Variants in LAMA3 observed in about 807,000 individuals in gnomAD.
The protein encoded by LAMA3 is laminin subunit alpha-3.
LAMA3 carries 281 observed loss-of-function variants against 402.0 expected under a neutral mutation model. The ratio of observed to expected loss-of-function variants is 0.70; its 90% CI spans 0.63 to 0.77. The LOEUF is 0.77. LAMA3 is among the 30% of genes least tolerant of loss of function. The probability of loss-of-function intolerance (pLI) is 0.00; values close to 1 mark genes in which losing one functional copy is unlikely to be tolerated. For missense variants in LAMA3, 3,840 were observed against 4,215.5 expected, an observed-to-expected ratio of 0.91 and a Z score of 2.47; for synonymous variants, 1,431 against 1,558.4, an observed-to-expected ratio of 0.92 and a Z score of 1.93.
At position 23,845,114 on chromosome 18, in the gene LAMA3, T is replaced by A; in HGVS notation, c.3709T>A (p.Phe1237Ile). The A allele has an allele frequency of 6.3e-7, 1 of 1,586,412 alleles. No individual in the cohort carries two copies. The highest frequency in any genetic ancestry group is 8.7e-7 in the Non-Finnish European group (1 of 1,154,776). The change falls in exon 30 of 75, where the codon TTT becomes ATT. Residue 1237 changes from phenylalanine (F) to isoleucine (I), a missense_variant. Coordinates refer to ENST00000313654, the MANE Select transcript of LAMA3 (RefSeq NM_198129.4). Reference protein sequence around the residue: ...EFITNCGKNSFYLDPQTASRF... With the variant: ...EFITNCGKNSIYLDPQTASRF... ...TATCACCAATTGTGGAAAAAACAGC[T>A]TTTACCTTGAGTGAGTATCACTTTG...
At chr18:23,925,770 G>T (rs2081985643) in intron 62 of LAMA3, among the ~76,000 whole-genome samples, 1 of 152,160 alleles carries the variant, frequency 6.6e-6, no homozygotes, top group Non-Finnish European at 1.5e-5. Flanking sequence ...AAGGTAACAA[G>T]AATCCCCCCA....
chr18:23,699,056 A>AGAG (rs2060742839), intron 1 of LAMA3, among the ~76,000 whole-genome samples: 1 of 140,896 alleles, frequency 7.1e-6, no homozygotes, highest in African/African-American at 2.9e-5. Flanking sequence ...GAGAGAGAGA[A>AGAG]AGAAAAGAAA....
At chr18:23,817,222 T>A (rs185279672) in intron 18 of LAMA3, among the ~76,000 whole-genome samples, 2 of 152,302 alleles carry the variant, frequency 1.3e-5, no homozygotes, top group African/African-American at 4.8e-5. Flanking sequence ...TATTGTTCCA[T>A]CTCTTAAGCC....
chr18:23,871,949 A>G (rs766859670), intron 38 of LAMA3, among the ~76,000 whole-genome samples: 1 of 152,214 alleles, frequency 6.6e-6, no homozygotes. Context: ...AAATAGCTAG[A>G]AGGAGGATAT....
At chr18:23,885,191 C>A (rs555405045) in intron 41 of LAMA3, among the ~76,000 whole-genome samples, 278 of 151,070 alleles carry the variant, frequency 1.8e-3, no homozygotes, top group African/African-American at 6.4e-3. Context: ...CTGCATACCC[C>A]CTATTTCGAC....
rs1200460638 is a variant in LAMA3 at position 23,932,269 on chromosome 18, A to G, written c.8686A>G (p.Ile2896Val). ...RLGGSNFEGC[I>V]SNVFVQRLSL... ...GGGCGGGAGCAATTTTGAGGGTTGT[A>G]TTAGCAATGTTTTTGTCCAGAGGTA... Residue 2896 changes from isoleucine (I) to valine (V), a missense_variant, in exon 66 of 75, where the codon ATT becomes GTT. Around this residue, in one of 3 missense-constraint regions of LAMA3, gnomAD observed 840 missense variants for 981.9 expected, o/e 0.86. Coordinates refer to ENST00000313654, the MANE Select transcript of LAMA3 (RefSeq NM_198129.4). 1.2e-6 allele frequency: 2 copies of G among 1,614,044 alleles called. No homozygotes were observed. Among genetic ancestry groups the G allele is most frequent in the Admixed American group, 1.7e-5 (1 of 60,014 alleles).
In LAMA3 at chr18:23,934,110, G is replaced by A. The variant is rs143114646; in HGVS notation, c.8862+175G>A. On this transcript the variant is annotated intron_variant, in intron 67 of 74. Coordinates refer to ENST00000313654, the MANE Select transcript of LAMA3 (RefSeq NM_198129.4). ...GTCAAAATGGTTTTCTTTTTAGCTT[G>A]TATTTCGCATCTTGATGAAAAGTTG... Among the ~76,000 whole-genome samples, 536 of 152,304 alleles carry A rather than the reference G, an allele frequency of 3.5e-3. 1 individual carries two copies. Among genetic ancestry groups the A allele is most frequent in the South Asian group, 0.018 (85 of 4,816 alleles).
At chr18:23,911,636 G>A (rs1482125622) in intron 55 of LAMA3, among the ~76,000 whole-genome samples, 1 of 151,258 alleles carries the variant, frequency 6.6e-6, no homozygotes. Context: ...CTCAAGAAGC[G>A]CTATTTTAGA....
Position 23,819,827 on chromosome 18 carries a change from T to C in LAMA3, c.2148-14T>C. 1 of 1,613,206 alleles carries C rather than the reference T, an allele frequency of 6.2e-7. No individual in the cohort carries two copies. The highest frequency in any genetic ancestry group is 8.5e-7 in the Non-Finnish European group (1 of 1,179,138). On this transcript the variant is annotated splice_polypyrimidine_tract_variant and intron_variant, in intron 18 of 74. Transcript: ENST00000313654. Reference sequence around the variant, plus strand: ...CCTAACCTCCTGTATGTGTTTACTTTTTAATTATGAAAGGCCTGAAAACAA... The same window carrying C: ...CCTAACCTCCTGTATGTGTTTACTTCTTAATTATGAAAGGCCTGAAAACAA...
chr18:23,918,615 C>T lies in LAMA3; in HGVS notation c.7923+1920C>T, dbSNP rs996419036. The stretch of plus-strand genomic sequence containing the variant: ...TCCAAAGTGACACTCTACAAGTGAT[C>T]GTCAGCGCCATCTGCTGGTTGATGG... On this transcript the variant is annotated intron_variant, in intron 60 of 74. Coordinates refer to ENST00000313654, the MANE Select transcript of LAMA3 (RefSeq NM_198129.4). The surrounding 1 kb of genome is among the most constrained non-coding windows in gnomAD (Gnocchi z 4.1). Among the ~76,000 whole-genome samples, 2 of 152,310 alleles carry T rather than the reference C, an allele frequency of 1.3e-5. No individual in the cohort carries two copies. Among genetic ancestry groups the T allele is most frequent in the Admixed American group, 6.5e-5 (1 of 15,300 alleles).
intron 1 of LAMA3, among the ~76,000 whole-genome samples, chr18:23,703,844 A>T (rs1448481650): frequency 1.3e-5 from 2 of 152,164 alleles, no homozygotes; most frequent in African/African-American, 4.8e-5. Context: ...TATATTTAGG[A>T]TACGTTCAGG....
chr18:23,838,841 C>T lies in LAMA3; in HGVS notation c.3154C>T (p.His1052Tyr), dbSNP rs1439932504. 6.2e-7 allele frequency: 1 copy of T among 1,611,622 alleles called. No homozygotes were observed. The highest frequency in any genetic ancestry group is 8.5e-7 in the Non-Finnish European group (1 of 1,177,830). Residue 1052 changes from histidine (H) to tyrosine (Y), a missense_variant, in exon 26 of 75, where the codon CAC becomes TAC. By Grantham distance (83) the His-to-Tyr change is moderately conservative (BLOSUM62 2). Coordinates refer to ENST00000313654, the MANE Select transcript of LAMA3 (RefSeq NM_198129.4). ...FSAEYVRPQV[H>Y]CIASYGRFVN... ...AGCTGAGTATGTGAGACCACAAGTC[C>T]ACTGCATTGCCAGTTATGGGCGATT...
Position 23,918,725 on chromosome 18 carries a change from C to T in LAMA3, c.7923+2030C>T, listed in dbSNP as rs2081728834. On this transcript the variant is annotated intron_variant, in intron 60 of 74. Coordinates refer to ENST00000313654, the MANE Select transcript of LAMA3 (RefSeq NM_198129.4). This position sits in a 1 kb window ranked among gnomAD's most constrained non-coding sequence, Gnocchi z 4.1. ...GTGAATAGGAGCTTCTGTAGTTGCT[C>T]TCACGGAGTATTTCTGAAGAAATGT... is the stretch of plus-strand genomic sequence containing the variant. Among the ~76,000 whole-genome samples, 4 of 152,214 alleles carry T rather than the reference C, an allele frequency of 2.6e-5. No homozygotes were observed. In the South Asian group the frequency reaches 8.3e-4, roughly 32 times the overall value.
chr18:23,939,576 C>T (rs2082427160), intron 68 of LAMA3, among the ~76,000 whole-genome samples, 190 bp downstream of exon 68: 1 of 152,216 alleles, frequency 6.6e-6, no homozygotes, highest in Admixed American at 6.5e-5. Context: ...TTCCCAACAG[C>T]TGGAGGCAAA....
intron 23 of LAMA3, 54 bp from the exon 24 acceptor site, chr18:23,833,774 G>A (rs2063528913): frequency 1.9e-6 from 3 of 1,598,450 alleles, no homozygotes; most frequent in Non-Finnish European, 2.6e-6. Context: ...ATGCAAGTGT[G>A]GCCTGTACAT....
intron 1 of LAMA3, among the ~76,000 whole-genome samples, chr18:23,703,596 C>A (rs1284369476): frequency 1.3e-5 from 2 of 151,844 alleles, no homozygotes; most frequent in Non-Finnish European, 2.9e-5. Context: ...ACATATGTAA[C>A]AAACCTGCAT....
chr18:23,721,111 T>C (rs1269877365), intron 2 of LAMA3, among the ~76,000 whole-genome samples: 1 of 152,036 alleles, frequency 6.6e-6, no homozygotes, highest in African/African-American at 2.4e-5. Flanking sequence ...TGAGCTATGA[T>C]AGCACCAGTG....
At chr18:23,718,554 G>C (rs548702353) in intron 2 of LAMA3, among the ~76,000 whole-genome samples, 2 of 152,350 alleles carry the variant, frequency 1.3e-5, no homozygotes, top group Non-Finnish European at 1.5e-5. Context: ...GAAAAGGACT[G>C]AGTGTTGGCT....
chr18:23,914,850 C>T lies in LAMA3; in HGVS notation c.7634C>T (p.Pro2545Leu). The change falls in exon 58 of 75, where the codon CCT becomes CTT. Residue 2545 changes from proline to leucine, a missense_variant. This residue lies in a region of LAMA3 where 840 missense variants were observed against 981.9 expected (regional missense o/e 0.86). Transcript: ENST00000313654. Reference protein sequence around the residue: ...NVVFYVGGYPPDFKLPSRLSF... With the variant: ...NVVFYVGGYPLDFKLPSRLSF... ...GTATTTTATGTTGGAGGTTACCCAC[C>T]TGATTTTAAAGTAAGTGTAAATGTT... The T allele has an allele frequency of 6.2e-7, 1 of 1,610,826 alleles. No individual in the cohort carries two copies. Among genetic ancestry groups the T allele is most frequent in the East Asian group, 2.2e-5 (1 of 44,852 alleles).
Sources: allele counts gnomAD v4.1 joint callset (sites outside exome capture counted in the v4.1 genomes callset), GRCh38; gene constraint gnomAD v4.1.1; regional missense constraint gnomAD v4.1.1; non-coding constraint Gnocchi (gnomAD v3.1); transcripts MANE v1.5; gene names NCBI Gene and HGNC (gene_info 2026-07-23, HGNC 2026-07-21).